CDS2: variants seen among roughly 807,000 people sequenced by gnomAD.
CDS2 encodes the protein phosphatidate cytidylyltransferase 2.
A neutral mutation model predicts 59.0 loss-of-function variants in CDS2; 47 were observed. The ratio of observed to expected loss-of-function variants is 0.80; its 90% CI spans 0.63 to 1.02. The LOEUF (loss-of-function observed/expected upper bound fraction) is 1.02, where lower values mean the gene tolerates loss of function less well. Ranked by LOEUF, CDS2 falls within the 50% of genes least tolerant of loss-of-function variation. The probability of loss-of-function intolerance (pLI) is 0.00; values close to 1 mark genes in which losing one functional copy is unlikely to be tolerated. For synonymous variants in CDS2, 207 were observed against 206.4 expected, an observed-to-expected ratio of 1.00 and a Z score of -0.02; for missense variants, 356 against 558.9, an observed-to-expected ratio of 0.64 and a Z score of 3.66.
intron 11 of CDS2, 97 bp downstream of exon 11, chr20:5,189,283 AC>A (rs1183267872): frequency 3.6e-6 from 5 of 1,386,178 alleles, no homozygotes; most frequent in Admixed American, 1.7e-5. Context: ...TAGGCTGTAC[AC>A]CCTGGCATTT....
intron 1 of CDS2, among the ~76,000 whole-genome samples, chr20:5,136,607 T>C (rs2090651897): frequency 6.6e-6 from 1 of 152,214 alleles, no homozygotes; most frequent in Admixed American, 6.5e-5. Context: ...CCCTGTGAAT[T>C]GAGCTCCCTC....
At chr20:5,141,580 A>C (rs1420891280) in intron 1 of CDS2, among the ~76,000 whole-genome samples, 1 of 152,098 alleles carries the variant, frequency 6.6e-6, no homozygotes, top group Admixed American at 6.5e-5. Context: ...TTTGTATCCA[A>C]TATGCAAATA....
chr20:5,174,549 C>T (rs1600504938), intron 2 of CDS2, among the ~76,000 whole-genome samples: 5 of 152,062 alleles, frequency 3.3e-5, no homozygotes, highest in Admixed American at 3.3e-4. Flanking sequence ...ATGGTGAAAC[C>T]CCGTCTCTAC....
At chr20:5,146,363 G>A (rs1204911011) in intron 1 of CDS2, among the ~76,000 whole-genome samples, 1 of 152,154 alleles carries the variant, frequency 6.6e-6, no homozygotes, top group African/African-American at 2.4e-5. Flanking sequence ...AGTCAGGGAA[G>A]GAAACCGATG....
intron 1 of CDS2, among the ~76,000 whole-genome samples, chr20:5,160,757 C>G (rs902064750): frequency 1.3e-5 from 2 of 152,114 alleles, no homozygotes; most frequent in Non-Finnish European, 2.9e-5. Flanking sequence ...TATTTTCTGT[C>G]TCTACGAATT....
chr20:5,139,349 C>G (rs1600471688), intron 1 of CDS2, among the ~76,000 whole-genome samples: 1 of 152,086 alleles, frequency 6.6e-6, no homozygotes, highest in East Asian at 1.9e-4. Context: ...GCAACAGAGC[C>G]AAGACTCTGT....
rs77283885 is a variant in CDS2 at position 5,146,466 on chromosome 20, G to A, written c.57+19317G>A. 5.7e-3 allele frequency among the ~76,000 whole-genome samples: 868 copies of A among 152,306 alleles called. 9 individuals carry two copies. Among genetic ancestry groups the A allele is most frequent in the African/African-American group, 0.02 (829 of 41,550 alleles). ...GTCAAGTGCAATGGGAGGGTGTTGA[G>A]TAGCGTAAGGAGACGTGGTTTATCC... On this transcript the variant is annotated intron_variant, in intron 1 of 12. Transcript: ENST00000460006.
Position 5,159,210 on chromosome 20 carries a change from G to A in CDS2, c.58-14313G>A, listed in dbSNP as rs189190337. Among the ~76,000 whole-genome samples the A allele has an allele frequency of 7.9e-3, 1,203 of 151,504 alleles. 26 individuals carry two copies. Among genetic ancestry groups the A allele is most frequent in the African/African-American group, 0.027 (1,129 of 41,250 alleles). ...TTTAAATTATACTTTAAGTTCTAGG[G>A]TACATGTGCACAACGTGCAGGTTTG... On this transcript the variant is annotated intron_variant, in intron 1 of 12. Coordinates refer to ENST00000460006, the MANE Select transcript of CDS2 (RefSeq NM_003818.4).
intron 1 of CDS2, among the ~76,000 whole-genome samples, chr20:5,129,600 G>T (rs930874585): frequency 6.6e-6 from 1 of 152,060 alleles, no homozygotes; most frequent in Non-Finnish European, 1.5e-5. Flanking sequence ...GTGCTACCAT[G>T]CCCGGCTAAT....
At chr20:5,178,712 G>GT (rs2123050188) in intron 4 of CDS2, 105 bp from the exon 5 acceptor site, 2 of 1,167,176 alleles carry the variant, frequency 1.7e-6, no homozygotes, top group African/African-American at 1.5e-5. Flanking sequence ...GGACTCAAGG[G>GT]TGGGGGGTAT....
At chr20:5,138,006 C>T (rs2122962085) in intron 1 of CDS2, among the ~76,000 whole-genome samples, 1 of 151,910 alleles carries the variant, frequency 6.6e-6, no homozygotes, top group Non-Finnish European at 1.5e-5. Flanking sequence ...GCTATGTTAG[C>T]CAGGATGGTC....
chr20:5,151,750 CTTTTTTTT>C (rs57378947), intron 1 of CDS2, among the ~76,000 whole-genome samples: 6 of 53,192 alleles, frequency 1.1e-4, no homozygotes, highest in African/African-American at 3.5e-4. Context: ...GACTCCATGT[CTTTTTTTT>C]TTTTTTTTTT....
At chr20:5,146,740 T>C (rs1209154381) in intron 1 of CDS2, among the ~76,000 whole-genome samples, 1 of 152,236 alleles carries the variant, frequency 6.6e-6, no homozygotes, top group East Asian at 1.9e-4. Context: ...AAATAGTCCA[T>C]GTCTGTTTAA....
Position 5,190,176 on chromosome 20 carries a change from C to T in CDS2, c.1280C>T (p.Thr427Met), listed in dbSNP as rs569818585. ...RPDQQLHIFN[T>M]LRSHLIDKGM... ...GATCAGCAGCTCCACATCTTCAACACGCTGCGGTCTCATCTGATCGACAAA... is the reference window on the plus strand; with the variant it reads ...GATCAGCAGCTCCACATCTTCAACATGCTGCGGTCTCATCTGATCGACAAA... The change falls in exon 13 of 13, where the codon ACG (threonine) becomes ATG (methionine). Residue 427 changes from threonine (T) to methionine (M), a missense_variant. Coordinates refer to ENST00000460006, the MANE Select transcript of CDS2 (RefSeq NM_003818.4). 90 of 1,614,006 alleles carry T rather than the reference C, an allele frequency of 5.6e-5. No individual in the cohort carries two copies. Among genetic ancestry groups the T allele is most frequent in the Admixed American group, 6.7e-5 (4 of 60,006 alleles).
chr20:5,138,204 A>G (rs1450106842), intron 1 of CDS2, among the ~76,000 whole-genome samples: 2 of 150,616 alleles, frequency 1.3e-5, no homozygotes, highest in Non-Finnish European at 2.9e-5. Context: ...CTCTTTCCTC[A>G]GCCTCCTAAA....
At chr20:5,146,025 G>C (rs1453124912) in intron 1 of CDS2, among the ~76,000 whole-genome samples, 1 of 151,914 alleles carries the variant, frequency 6.6e-6, no homozygotes, top group Non-Finnish European at 1.5e-5. Flanking sequence ...GTCTCACTAT[G>C]TTGCCTAGGC....
At chr20:5,175,478 T>A (rs1405828665) in intron 3 of CDS2, 199 bp downstream of exon 3, 3 of 512,156 alleles carry the variant, frequency 5.9e-6, no homozygotes, top group African/African-American at 3.9e-5. Context: ...TGGTTGTTTA[T>A]GGTTGAAGAT....
chr20:5,137,877 C>T lies in CDS2; in HGVS notation c.57+10728C>T, dbSNP rs1192650470. Among the ~76,000 whole-genome samples the T allele has an allele frequency of 2.6e-5, 4 of 151,880 alleles. 1 individual carries two copies. The highest frequency in any genetic ancestry group is 5.9e-5 in the Non-Finnish European group (4 of 67,968). On this transcript the variant is annotated intron_variant, in intron 1 of 12. Transcript: ENST00000460006. The stretch of plus-strand genomic sequence containing the variant: ...ACAGTGGCACGATCTCGGCTCACTC[C>T]AAGCTCCGACTCCCGGGTTCACGAC...
Position 5,138,643 on chromosome 20 carries a change from G to A in CDS2, c.57+11494G>A, listed in dbSNP as rs1600471080. On this transcript the variant is annotated intron_variant, in intron 1 of 12. Transcript: ENST00000460006. ...TGGGATTACAGGCATGCACCACCAT[G>A]CCCAGCAAATTTTTGTATTTTTAGT... is the stretch of plus-strand genomic sequence containing the variant. Among the ~76,000 whole-genome samples the A allele has an allele frequency of 4.0e-5, 6 of 151,744 alleles. No individual in the cohort carries two copies. The South Asian group carries it at 1.0e-3, about 26-fold the overall frequency.
Sources: allele counts gnomAD v4.1 joint callset (sites outside exome capture counted in the v4.1 genomes callset), GRCh38; gene constraint gnomAD v4.1.1; transcripts MANE v1.5; gene names NCBI Gene and HGNC (gene_info 2026-07-23, HGNC 2026-07-21).